Variants in NCAM2 observed in about 807,000 individuals in gnomAD.
NCAM2 encodes the protein N-CAM-2.
NCAM2 carries 30 observed loss-of-function variants against 98.1 expected under a neutral mutation model. That is an observed-to-expected ratio of 0.31 (90% confidence interval 0.23 to 0.41). The LOEUF (loss-of-function observed/expected upper bound fraction) is 0.41. NCAM2 is among the 10% of genes least tolerant of loss of function. The pLI is 1.00. For synonymous variants in NCAM2, 368 were observed against 342.4 expected, an observed-to-expected ratio of 1.07 and a Z score of -0.83; for missense variants, 867 against 1,005.8, an observed-to-expected ratio of 0.86 and a Z score of 1.87.
intron 9 of NCAM2, among the ~76,000 whole-genome samples, chr21:21,389,727 A>G (rs112311776): frequency 2.7e-3 from 405 of 152,254 alleles, no homozygotes; most frequent in African/African-American, 9.3e-3. Flanking sequence ...GGTTTCGTCT[A>G]TATTGCTGCA....
chr21:21,208,197 C>A (rs1003694232), intron 1 of NCAM2, among the ~76,000 whole-genome samples: 2 of 152,102 alleles, frequency 1.3e-5, no homozygotes, highest in Non-Finnish European at 2.9e-5. Flanking sequence ...GCTATAAATA[C>A]TTCCAAGGTA....
intron 8 of NCAM2, among the ~76,000 whole-genome samples, chr21:21,355,397 G>A (rs1031082603): frequency 2.7e-5 from 4 of 149,524 alleles, no homozygotes; most frequent in Admixed American, 6.7e-5. Context: ...AGGAAGCAGA[G>A]GTTGCAGGGA....
rs61099630 is a variant in NCAM2, at chr21:21,175,314, C to A, written c.56-105264C>A. On this transcript the variant is annotated intron_variant, in intron 1 of 17. Transcript: ENST00000400546. Reference sequence around the variant, plus strand: ...GTTTGGGAGGCCGAGCCAGGAAGATCATGAGGACAAGAGATCGAGACCATC... The same window carrying A: ...GTTTGGGAGGCCGAGCCAGGAAGATAATGAGGACAAGAGATCGAGACCATC... Among the ~76,000 whole-genome samples the A allele has an allele frequency of 0.01, 1,550 of 152,180 alleles. 67 individuals are homozygous for A. In the East Asian group the frequency reaches 0.16, roughly 16 times the overall value.
chr21:21,522,798 A>G (rs1989104424), intron 16 of NCAM2, among the ~76,000 whole-genome samples: 1 of 151,410 alleles, frequency 6.6e-6, no homozygotes, highest in Non-Finnish European at 1.5e-5. Flanking sequence ...CGCCTGGCTA[A>G]TTTTTGTATT....
chr21:21,273,289 A>G (rs1018118968), intron 1 of NCAM2, among the ~76,000 whole-genome samples: 2 of 152,086 alleles, frequency 1.3e-5, no homozygotes, highest in Non-Finnish European at 2.9e-5. Context: ...TAAATATCAT[A>G]TATGTTTGTA....
Position 21,438,480 on chromosome 21 carries a change from C to T in NCAM2, c.1654+6199C>T, listed in dbSNP as rs184404004. Among the ~76,000 whole-genome samples the T allele has an allele frequency of 1.5e-3, 226 of 152,250 alleles. 2 individuals are homozygous for T. Among genetic ancestry groups the T allele is most frequent in the African/African-American group, 5.3e-3 (219 of 41,546 alleles). On this transcript the variant is annotated intron_variant, in intron 12 of 17. Transcript: ENST00000400546. ...CTGAAGCCGTACTAATTATCCCAAC[C>T]AATGATGTGACATGAAACTAATTTT...
chr21:21,218,967 C>T (rs754986487), intron 1 of NCAM2, among the ~76,000 whole-genome samples: 5 of 152,162 alleles, frequency 3.3e-5, no homozygotes, highest in Non-Finnish European at 5.9e-5. Flanking sequence ...CACTTCAACT[C>T]GGGAGGCAGA....
At chr21:21,009,007 C>A (rs1168021503) in intron 1 of NCAM2, among the ~76,000 whole-genome samples, 2 of 152,112 alleles carry the variant, frequency 1.3e-5, no homozygotes, top group African/African-American at 4.8e-5. Context: ...TTTACTGTGA[C>A]CTTCCATGTG....
intron 12 of NCAM2, among the ~76,000 whole-genome samples, chr21:21,455,624 G>T (rs1018316998): frequency 1.3e-5 from 2 of 151,772 alleles, no homozygotes; most frequent in Non-Finnish European, 2.9e-5. Context: ...AAAATATAAT[G>T]CAATATTTTC....
At chr21:21,138,086 ATT>A (rs1288625914) in intron 1 of NCAM2, among the ~76,000 whole-genome samples, 2 of 152,066 alleles carry the variant, frequency 1.3e-5, no homozygotes, top group East Asian at 3.9e-4. Flanking sequence ...CTTTTGTCCT[ATT>A]TCCAAGCTCT....
chr21:21,008,254 A>G (rs2064146462), intron 1 of NCAM2, among the ~76,000 whole-genome samples: 2 of 152,160 alleles, frequency 1.3e-5, no homozygotes, highest in South Asian at 4.1e-4. Flanking sequence ...TTCGCTCTTT[A>G]TCATACTATT....
intron 16 of NCAM2, among the ~76,000 whole-genome samples, chr21:21,519,484 C>T (rs1318344293): frequency 6.6e-6 from 1 of 151,900 alleles, no homozygotes; most frequent in Admixed American, 6.6e-5. Flanking sequence ...AGAGAGAAAT[C>T]AAAATGTACC....
chr21:21,530,455 T>G (rs1024319832), intron 16 of NCAM2, among the ~76,000 whole-genome samples: 1 of 150,374 alleles, frequency 6.7e-6, no homozygotes, highest in African/African-American at 2.4e-5. Context: ...ATACTGATCC[T>G]ATTTGCTGCC....
chr21:21,216,905 G>A (rs1229451485), intron 1 of NCAM2, among the ~76,000 whole-genome samples: 1 of 152,150 alleles, frequency 6.6e-6, no homozygotes, highest in African/African-American at 2.4e-5. Flanking sequence ...TTTAGCAAAT[G>A]TCTCCTGGTT....
chr21:21,076,097 A>G (rs1014457856), intron 1 of NCAM2, among the ~76,000 whole-genome samples: 2 of 149,562 alleles, frequency 1.3e-5, no homozygotes, highest in African/African-American at 5.0e-5. Flanking sequence ...AGCCTGAGCG[A>G]CAGAGTGAGA....
chr21:21,213,643 A>T (rs1225162466), intron 1 of NCAM2, among the ~76,000 whole-genome samples: 1 of 152,094 alleles, frequency 6.6e-6, no homozygotes, highest in Non-Finnish European at 1.5e-5. Flanking sequence ...TTCTCCAAAG[A>T]CTCAGGCCCA....
chr21:21,187,850 T>C (rs1055549552), intron 1 of NCAM2, among the ~76,000 whole-genome samples: 11 of 152,188 alleles, frequency 7.2e-5, no homozygotes, highest in Non-Finnish European at 1.5e-4. Flanking sequence ...GGGGAAATTA[T>C]GTCGTCAGGG....
At chr21:21,501,753 A>G (rs1315351989) in intron 15 of NCAM2, among the ~76,000 whole-genome samples, 1 of 151,912 alleles carries the variant, frequency 6.6e-6, no homozygotes. Context: ...CCACACCAGA[A>G]ATGCAATCAA....
rs1990150610 is a variant in NCAM2 at position 21,539,638 on chromosome 21, T to A, written c.*1681T>A. On this transcript the variant is annotated 3_prime_UTR_variant, in exon 18 of 18. Transcript: ENST00000400546. Reference sequence around the variant, plus strand: ...TACAGCAGGACAGAATATGACCATCTTCGTTTGAAGGCACCAAATCGTCGC... The same window carrying A: ...TACAGCAGGACAGAATATGACCATCATCGTTTGAAGGCACCAAATCGTCGC... The A allele has an allele frequency of 6.6e-6, 1 of 152,184 alleles. No individual in the cohort carries two copies. Among genetic ancestry groups the A allele is most frequent in the Non-Finnish European group, 1.5e-5 (1 of 68,046 alleles). The allele number at this position is 152,184 out of a possible 1,614,324, so 9.4% of individuals were successfully genotyped here. A position where few individuals can be genotyped will look rare whatever the true frequency, so the allele number is the denominator to read the frequency against.
Sources: gnomAD v4.1 joint callset for allele counts (sites outside exome capture counted in the v4.1 genomes callset) on GRCh38, gnomAD v4.1.1 for gene constraint, MANE v1.5 for transcripts, NCBI Gene and HGNC (gene_info 2026-07-23, HGNC 2026-07-21) for gene names.